The following GALNTL6 variants were observed in gnomAD, a reference collection of about 807,000 sequenced individuals.
GALNTL6 encodes the protein polypeptide N-acetylgalactosaminyltransferase like 6, also known as polypeptide N-acetylgalactosaminyltransferase-like 6.
A neutral mutation model predicts 73.7 loss-of-function variants in GALNTL6; 46 were observed. The ratio of observed to expected loss-of-function variants is 0.62; its 90% CI spans 0.49 to 0.80. GALNTL6 has a LOEUF of 0.80. Ranked by LOEUF, GALNTL6 falls within the 30% of genes least tolerant of loss-of-function variation. The probability of loss-of-function intolerance (pLI) is 0.00; values close to 1 mark genes in which losing one functional copy is unlikely to be tolerated. For synonymous variants in GALNTL6, 259 were observed against 263.7 expected, an observed-to-expected ratio of 0.98 and a Z score of 0.17; for missense variants, 604 against 755.0, an observed-to-expected ratio of 0.80 and a Z score of 2.34.
In GALNTL6 at chr4:172,034,399, CGT is replaced by C. The variant is rs1209195765; in HGVS notation, c.139-195206_139-195205del. ...TTCTTCCTTAAGGGGAGCGTGCGTG[CGT>C]GTGTGTGTGTGTGTGTGTGTGTGTG... On this transcript the variant is annotated intron_variant, in intron 2 of 12. Coordinates refer to ENST00000506823, the MANE Select transcript of GALNTL6 (RefSeq NM_001034845.3). Among the ~76,000 whole-genome samples, 119 of 33,432 alleles carry C rather than the reference CGT, an allele frequency of 3.6e-3. 1 individual carries two copies. Among genetic ancestry groups the C allele is most frequent in the African/African-American group, 0.011 (113 of 10,412 alleles). 21.9% of individuals were successfully genotyped at this position (33,432 alleles called of 152,430 possible). A position where few individuals can be genotyped will look rare whatever the true frequency, so the allele number is the denominator to read the frequency against.
At chr4:172,866,533 A>G (rs754896964) in intron 7 of GALNTL6, among the ~76,000 whole-genome samples, 3 of 152,210 alleles carry the variant, frequency 2.0e-5, no homozygotes, top group Non-Finnish European at 4.4e-5. Context: ...AGTGTCTGGC[A>G]TATGTTTAGA....
chr4:172,303,889 T>A (rs2626620), intron 3 of GALNTL6, among the ~76,000 whole-genome samples: 2 of 151,908 alleles, frequency 1.3e-5, no homozygotes, highest in African/African-American at 2.4e-5. Context: ...TCTGTTTATG[T>A]GTCCCATCTC....
chr4:172,388,135 C>T (rs193053012), intron 5 of GALNTL6, among the ~76,000 whole-genome samples: 45 of 152,188 alleles, frequency 3.0e-4, no homozygotes, highest in African/African-American at 1.0e-3. Flanking sequence ...TTAACAGATA[C>T]ATCCTATTTT....
chr4:172,753,464 T>C (rs557697732), intron 5 of GALNTL6, among the ~76,000 whole-genome samples: 1 of 152,362 alleles, frequency 6.6e-6, no homozygotes, highest in Admixed American at 6.5e-5. Flanking sequence ...AATTATGTGA[T>C]GAAGTTTTTC....
chr4:172,193,193 C>G (rs1468428219), intron 2 of GALNTL6, among the ~76,000 whole-genome samples: 1 of 152,212 alleles, frequency 6.6e-6, no homozygotes, highest in African/African-American at 2.4e-5. Context: ...TAAGTGAGTC[C>G]CTGATCCCTT....
At chr4:171,929,094 C>T (rs545383750) in intron 2 of GALNTL6, among the ~76,000 whole-genome samples, 69 of 152,186 alleles carry the variant, frequency 4.5e-4, no homozygotes, top group African/African-American at 1.2e-3. Context: ...GAGATAAAGT[C>T]TCTGCTCTGT....
chr4:171,826,541 A>C (rs1302278715), intron 2 of GALNTL6, among the ~76,000 whole-genome samples: 1 of 152,244 alleles, frequency 6.6e-6, no homozygotes, highest in South Asian at 2.1e-4. Flanking sequence ...TAGGGGAGCC[A>C]TTCCTGACTT....
chr4:172,634,778 CAGAGT>C (rs1739585291), intron 5 of GALNTL6, among the ~76,000 whole-genome samples: 2 of 152,116 alleles, frequency 1.3e-5, no homozygotes. Context: ...GGACAAAGAG[CAGAGT>C]AAAGTATATT....
chr4:172,413,016 A>G (rs1744502779), intron 5 of GALNTL6, among the ~76,000 whole-genome samples: 2 of 152,172 alleles, frequency 1.3e-5, no homozygotes, highest in Admixed American at 1.3e-4. Flanking sequence ...ATCTTTCATC[A>G]AGAAAGAAAC....
At chr4:172,712,378 G>A (rs1451165482) in intron 5 of GALNTL6, among the ~76,000 whole-genome samples, 2 of 152,014 alleles carry the variant, frequency 1.3e-5, no homozygotes, top group African/African-American at 2.4e-5. Context: ...TGCCATGTTG[G>A]TGTGCTGCAC....
chr4:172,984,693 G>A (rs1249135761), intron 10 of GALNTL6, among the ~76,000 whole-genome samples: 1 of 152,172 alleles, frequency 6.6e-6, no homozygotes, highest in Admixed American at 6.5e-5. Flanking sequence ...GACAGGATCA[G>A]TAGAAGCCCA....
chr4:172,052,662 C>T, intron 2 of GALNTL6: 1 of 559,744 alleles, frequency 1.8e-6, no homozygotes, highest in Non-Finnish European at 3.1e-6. Context: ...CTTTTGTGAT[C>T]ACTTTTGCCC....
intron 3 of GALNTL6, among the ~76,000 whole-genome samples, chr4:172,252,618 A>G (rs1737921044): frequency 6.6e-6 from 1 of 152,124 alleles, no homozygotes; most frequent in Non-Finnish European, 1.5e-5. Context: ...ATGATATATT[A>G]AAGGAAAAGA....
chr4:172,548,297 C>A (rs1340330800), intron 5 of GALNTL6, among the ~76,000 whole-genome samples: 2 of 152,156 alleles, frequency 1.3e-5, no homozygotes, highest in African/African-American at 2.4e-5. Context: ...TTCTGCAAGA[C>A]CTTCACCACT....
intron 5 of GALNTL6, among the ~76,000 whole-genome samples, chr4:172,549,724 C>A (rs570655772): frequency 6.6e-6 from 1 of 152,044 alleles, no homozygotes; most frequent in African/African-American, 2.4e-5. Flanking sequence ...TATTACAAAT[C>A]TATTTTTAAG....
chr4:171,872,529 T>C (rs370362712), intron 2 of GALNTL6, among the ~76,000 whole-genome samples: 2 of 152,140 alleles, frequency 1.3e-5, no homozygotes, highest in South Asian at 2.1e-4. Context: ...ACAAACTGAG[T>C]GACTTCAGCA....
At chr4:172,583,830 G>A (rs1431041188) in intron 5 of GALNTL6, among the ~76,000 whole-genome samples, 1 of 147,476 alleles carries the variant, frequency 6.8e-6, no homozygotes, top group Non-Finnish European at 1.5e-5. Flanking sequence ...CCAGGAGGTG[G>A]AGGTTGCAGC....
intron 2 of GALNTL6, among the ~76,000 whole-genome samples, chr4:171,991,730 GTATATATATATA>G (rs1248077137): frequency 1.0e-5 from 1 of 98,182 alleles, no homozygotes; most frequent in African/African-American, 5.8e-5. Context: ...GTGTGTGTGT[GTATATATATATA>G]TATATATATA....
chr4:172,922,841 G>A (rs1276925395), intron 8 of GALNTL6, among the ~76,000 whole-genome samples: 1 of 152,214 alleles, frequency 6.6e-6, no homozygotes, highest in Non-Finnish European at 1.5e-5. Context: ...CAGATGCTAA[G>A]CAAATCATAC....
Sources: gnomAD v4.1 joint callset for allele counts (sites outside exome capture counted in the v4.1 genomes callset) on GRCh38, gnomAD v4.1.1 for gene constraint, MANE v1.5 for transcripts, NCBI Gene and HGNC (gene_info 2026-07-23, HGNC 2026-07-21) for gene names.